Variants in ERBB4 observed in about 807,000 individuals in gnomAD.
ERBB4 encodes the protein receptor tyrosine-protein kinase erbB-4.
Under a neutral mutation model 158.0 loss-of-function variants are expected in ERBB4, and 42 were observed. The ratio of observed to expected loss-of-function variants is 0.27; its 90% CI spans 0.21 to 0.34. ERBB4 has a LOEUF of 0.34. ERBB4 is among the 10% of genes least tolerant of loss of function. The pLI, the probability that ERBB4 is intolerant of heterozygous loss-of-function variation, is 1.00. For synonymous variants in ERBB4, 583 were observed against 558.7 expected, an observed-to-expected ratio of 1.04 and a Z score of -0.61; for missense variants, 1,333 against 1,624.1, an observed-to-expected ratio of 0.82 and a Z score of 3.08.
intron 1 of ERBB4, among the ~76,000 whole-genome samples, chr2:212,300,140 A>G (rs2086564641): frequency 6.6e-6 from 1 of 151,584 alleles, no homozygotes; most frequent in Admixed American, 6.6e-5. Context: ...TACTTAAAAG[A>G]GGAAAGGATT....
chr2:211,534,002 A>G (rs1330891787), intron 20 of ERBB4, among the ~76,000 whole-genome samples: 2 of 152,048 alleles, frequency 1.3e-5, no homozygotes, highest in Non-Finnish European at 1.5e-5. Flanking sequence ...TCCCATAACC[A>G]TTGCTCCAAC....
chr2:211,682,561 C>G (rs34807898), intron 12 of ERBB4, among the ~76,000 whole-genome samples: 43,553 of 152,018 alleles, frequency 0.29, 7,688 homozygotes, highest in East Asian at 0.9. Context: ...ATCACAGGTA[C>G]TATGTAAGGA....
intron 9 of ERBB4, among the ~76,000 whole-genome samples, chr2:211,711,258 G>A (rs1433841620): frequency 6.6e-6 from 1 of 152,014 alleles, no homozygotes; most frequent in African/African-American, 2.4e-5. Context: ...AAATTAGTTT[G>A]CTTTTAGAAA....
chr2:212,032,461 A>G (rs1276760239), intron 2 of ERBB4, among the ~76,000 whole-genome samples: 1 of 152,116 alleles, frequency 6.6e-6, no homozygotes, highest in Non-Finnish European at 1.5e-5. Context: ...TTAAAAAGCC[A>G]CAAAAATGCA....
chr2:211,475,194 T>C (rs1418129561), intron 20 of ERBB4, among the ~76,000 whole-genome samples: 8 of 152,128 alleles, frequency 5.3e-5, no homozygotes, highest in Non-Finnish European at 1.2e-4. Flanking sequence ...ATAATATAAA[T>C]GTTGTAGTTA....
chr2:211,703,702 T>C (rs559580791), intron 11 of ERBB4, among the ~76,000 whole-genome samples: 6 of 152,070 alleles, frequency 3.9e-5, no homozygotes, highest in Non-Finnish European at 7.4e-5. Flanking sequence ...TGACGTGTAG[T>C]TCAATTATAG....
intron 20 of ERBB4, among the ~76,000 whole-genome samples, chr2:211,501,282 C>T (rs1444455307): frequency 6.6e-6 from 1 of 151,526 alleles, no homozygotes; most frequent in Non-Finnish European, 1.5e-5. Context: ...TATTTACTAC[C>T]ACAATAGGGC....
chr2:212,051,478 T>G (rs1424711182), intron 2 of ERBB4, among the ~76,000 whole-genome samples: 1 of 152,134 alleles, frequency 6.6e-6, no homozygotes, highest in African/African-American at 2.4e-5. Flanking sequence ...AAAGAATAAT[T>G]TTTAGCAATT....
intron 25 of ERBB4, among the ~76,000 whole-genome samples, chr2:211,404,121 C>G (rs908926872): frequency 5.9e-5 from 9 of 152,060 alleles, no homozygotes; most frequent in African/African-American, 2.2e-4. Context: ...CATCACTGAT[C>G]CTCAATGTAA....
At chr2:212,211,399 G>A (rs1003295689) in intron 1 of ERBB4, among the ~76,000 whole-genome samples, 11 of 152,070 alleles carry the variant, frequency 7.2e-5, no homozygotes, top group Admixed American at 2.0e-4. Context: ...CAGCTTTCAA[G>A]GTTGCAATTA....
In ERBB4 at chr2:212,069,088, C is replaced by G. The variant is rs147807907; in HGVS notation, c.234+55664G>C. Among the ~76,000 whole-genome samples, 111 of 152,130 alleles carry G rather than the reference C, an allele frequency of 7.3e-4. No individual in the cohort carries two copies. The East Asian group carries it at 0.021, about 28-fold the overall frequency. On this transcript the variant is annotated intron_variant, in intron 2 of 27. Transcript: ENST00000342788. ...GTGAAACTGTGAGTCCATTAACTCT[C>G]TTTCTTTTATAAATTACCCAGTCTG...
intron 19 of ERBB4, among the ~76,000 whole-genome samples, chr2:211,568,456 A>G (rs1174676959): frequency 6.6e-6 from 1 of 152,176 alleles, no homozygotes. Flanking sequence ...CAACCACCAG[A>G]TATTTATATC....
chr2:212,100,828 A>G (rs756975844), intron 2 of ERBB4, among the ~76,000 whole-genome samples: 5 of 152,178 alleles, frequency 3.3e-5, no homozygotes, highest in Non-Finnish European at 7.4e-5. Flanking sequence ...CAGCATTTAG[A>G]TAACTAGGCC....
At chr2:212,478,808 T>C (rs1164172855) in intron 1 of ERBB4, among the ~76,000 whole-genome samples, 1 of 152,060 alleles carries the variant, frequency 6.6e-6, no homozygotes, top group Admixed American at 6.6e-5. Flanking sequence ...AAAAACTGGC[T>C]GACATACCTT....
chr2:212,418,336 C>T (rs577236751), intron 1 of ERBB4, among the ~76,000 whole-genome samples: 22 of 151,796 alleles, frequency 1.4e-4, no homozygotes, highest in Admixed American at 3.3e-4. Context: ...TAGTTAATAA[C>T]ATTTTCTAGT....
chr2:212,532,532 TAATTG>T (rs1393041964), intron 1 of ERBB4, among the ~76,000 whole-genome samples: 2 of 152,214 alleles, frequency 1.3e-5, no homozygotes, highest in Non-Finnish European at 2.9e-5. Context: ...CATTTCTAAT[TAATTG>T]AATTATTAAA....
chr2:212,400,654 T>C (rs138023307), intron 1 of ERBB4, among the ~76,000 whole-genome samples: 2,424 of 152,260 alleles, frequency 0.016, 27 homozygotes, highest in South Asian at 0.061. Context: ...AACTATGGGA[T>C]TTGGTCTCTG....
intron 18 of ERBB4, 42 bp downstream of exon 18, chr2:211,623,880 A>G: frequency 6.2e-7 from 1 of 1,606,676 alleles, no homozygotes; most frequent in Non-Finnish European, 8.5e-7. Flanking sequence ...CTAAACATCT[A>G]AAACAAAACT....
At chr2:212,396,246 G>C (rs2091022677) in intron 1 of ERBB4, among the ~76,000 whole-genome samples, 1 of 152,052 alleles carries the variant, frequency 6.6e-6, no homozygotes. Flanking sequence ...TATTTTGCTG[G>C]AGTCTATTAG....
Sources: allele counts gnomAD v4.1 joint callset (sites outside exome capture counted in the v4.1 genomes callset), GRCh38; gene constraint gnomAD v4.1.1; transcripts MANE v1.5; gene names NCBI Gene and HGNC (gene_info 2026-07-23, HGNC 2026-07-21).